ACSS3: variants seen among roughly 807,000 people sequenced by gnomAD.
ACSS3 encodes the protein acyl-CoA synthetase short-chain family member 3, mitochondrial.
A neutral mutation model predicts 84.2 loss-of-function variants in ACSS3; 64 were observed. The observed-to-expected ratio is 0.76, with a 90% CI of 0.62 to 0.94. The LOEUF is 0.94. ACSS3 is among the 40% of genes least tolerant of loss of function. The pLI, the probability that ACSS3 is intolerant of heterozygous loss-of-function variation, is 0.00. For synonymous variants in ACSS3, 317 were observed against 310.1 expected, an observed-to-expected ratio of 1.02 and a Z score of -0.23; for missense variants, 815 against 867.6, an observed-to-expected ratio of 0.94 and a Z score of 0.76.
At chr12:81,173,132 A>G (rs955621245) in intron 7 of ACSS3, among the ~76,000 whole-genome samples, 12 of 152,248 alleles carry the variant, frequency 7.9e-5, no homozygotes, top group African/African-American at 2.9e-4. Flanking sequence ...TCAGTGCCTG[A>G]GACATATCAA....
chr12:81,095,828 T>C (rs998777158), intron 1 of ACSS3, among the ~76,000 whole-genome samples: 1 of 152,232 alleles, frequency 6.6e-6, no homozygotes, highest in African/African-American at 2.4e-5. Flanking sequence ...ATTCTGAGTA[T>C]ACATACTCAT....
chr12:81,103,847 G>C (rs1342386615), intron 1 of ACSS3, among the ~76,000 whole-genome samples: 1 of 152,158 alleles, frequency 6.6e-6, no homozygotes, highest in Admixed American at 6.6e-5. Flanking sequence ...TTGTATGTTT[G>C]AGGGTTTGGT....
chr12:81,193,824 A>T (rs985033378), intron 8 of ACSS3, among the ~76,000 whole-genome samples: 1 of 152,066 alleles, frequency 6.6e-6, no homozygotes, highest in Non-Finnish European at 1.5e-5. Flanking sequence ...TAAATTTTAA[A>T]TGGCCACATG....
At chr12:81,239,746 T>G (rs568524237) in intron 13 of ACSS3, among the ~76,000 whole-genome samples, 3 of 152,078 alleles carry the variant, frequency 2.0e-5, no homozygotes, top group African/African-American at 7.2e-5. Context: ...AAGCCACAAT[T>G]CAAGATGAGA....
chr12:81,242,490 C>A (rs937920402), intron 13 of ACSS3, among the ~76,000 whole-genome samples: 55 of 150,604 alleles, frequency 3.7e-4, no homozygotes, highest in African/African-American at 1.3e-3. Context: ...AAGAGGGAAT[C>A]CTCCCTAACT....
At chr12:81,128,845 T>C (rs1007529420) in intron 2 of ACSS3, among the ~76,000 whole-genome samples, 9 of 152,204 alleles carry the variant, frequency 5.9e-5, no homozygotes, top group African/African-American at 2.2e-4. Context: ...GAAATAGCAG[T>C]ATCAAATGCC....
chr12:81,224,762 T>C (rs2033217260), intron 11 of ACSS3, among the ~76,000 whole-genome samples: 1 of 151,956 alleles, frequency 6.6e-6, no homozygotes, highest in Non-Finnish European at 1.5e-5. Flanking sequence ...ATTCTTGTAC[T>C]GTCCTGCTTA....
At chr12:81,222,375 C>A (rs117693438) in intron 11 of ACSS3, among the ~76,000 whole-genome samples, 2,160 of 152,100 alleles carry the variant, frequency 0.014, 34 homozygotes, top group Non-Finnish European at 0.024. Context: ...CTCTCTCCTG[C>A]TCTCTCTTTA....
intron 1 of ACSS3, among the ~76,000 whole-genome samples, chr12:81,088,022 C>G (rs1299421409): frequency 6.6e-6 from 1 of 152,068 alleles, no homozygotes; most frequent in Non-Finnish European, 1.5e-5. Flanking sequence ...CTCGTCTGTT[C>G]TCTTCTGCTA....
intron 12 of ACSS3, among the ~76,000 whole-genome samples, chr12:81,231,838 A>G (rs1455660043): frequency 2.0e-5 from 3 of 151,726 alleles, no homozygotes; most frequent in African/African-American, 4.8e-5. Flanking sequence ...TGCTCACATT[A>G]TCTTTCTGTT....
chr12:81,245,888 T>C (rs1383394336), intron 13 of ACSS3, among the ~76,000 whole-genome samples: 2 of 152,114 alleles, frequency 1.3e-5, no homozygotes, highest in African/African-American at 2.4e-5. Flanking sequence ...CAGAGGTCCC[T>C]TTTCCCTCTT....
rs146304622 is a variant in ACSS3, at chr12:81,109,604, G to A, written c.356G>A (p.Arg119His). 64 of 1,611,978 alleles carry A rather than the reference G, an allele frequency of 4.0e-5. No individual in the cohort carries two copies. In the African/African-American group the frequency reaches 4.3e-4, roughly 11 times the overall value. Reference protein sequence around the residue: ...MLNICYNAVDRHIENGKGDKI... With the variant: ...MLNICYNAVDHHIENGKGDKI... ...AACATTTGTTACAATGCCGTTGATCGTCATATTGAAAATGGTAAAGGGGAT... is the reference window on the plus strand; with the variant it reads ...AACATTTGTTACAATGCCGTTGATCATCATATTGAAAATGGTAAAGGGGAT... The change falls in exon 2 of 16, where the codon CGT (arginine) becomes CAT (histidine). Residue 119 changes from arginine (R) to histidine (H), a missense_variant. Transcript: ENST00000548058.
chr12:81,194,264 A>G (rs1339488235), intron 8 of ACSS3, among the ~76,000 whole-genome samples: 1 of 151,804 alleles, frequency 6.6e-6, no homozygotes, highest in East Asian at 1.9e-4. Flanking sequence ...TTGATTAAAT[A>G]TTTATGATAT....
At chr12:81,132,921 G>T (rs1780808636) in intron 2 of ACSS3, among the ~76,000 whole-genome samples, 1 of 152,070 alleles carries the variant, frequency 6.6e-6, no homozygotes, top group East Asian at 1.9e-4. Flanking sequence ...TGCAGGGGTT[G>T]CACACTGAGA....
At chr12:81,147,481 G>A (rs1391139186) in intron 5 of ACSS3, among the ~76,000 whole-genome samples, 1 of 152,208 alleles carries the variant, frequency 6.6e-6, no homozygotes, top group Non-Finnish European at 1.5e-5. Context: ...ACAGCACTAG[G>A]TGGGGATATC....
At chr12:81,136,162 T>C (rs1885789412) in intron 3 of ACSS3, among the ~76,000 whole-genome samples, 2 of 152,142 alleles carry the variant, frequency 1.3e-5, no homozygotes, top group African/African-American at 2.4e-5. Flanking sequence ...TTGTGAAATA[T>C]CATTGAGCTA....
chr12:81,082,787 G>A (rs993226140), intron 1 of ACSS3, among the ~76,000 whole-genome samples: 9 of 152,060 alleles, frequency 5.9e-5, no homozygotes, highest in Admixed American at 1.3e-4. Flanking sequence ...TAGCTTTGCC[G>A]CTTACTCTGA....
chr12:81,131,165 G>A (rs1371775328), intron 2 of ACSS3, among the ~76,000 whole-genome samples: 1 of 152,058 alleles, frequency 6.6e-6, no homozygotes, highest in Non-Finnish European at 1.5e-5. Context: ...TCTGTGAAGA[G>A]AGTCATTGGT....
intron 11 of ACSS3, among the ~76,000 whole-genome samples, chr12:81,230,600 AGTTTTTACACTGG>A (rs534447257): frequency 9.6e-4 from 146 of 151,964 alleles, no homozygotes; most frequent in African/African-American, 3.5e-3. Context: ...TTATGAAATA[AGTTTTTACACTGG>A]GTGCTTAATT....
Sources: gnomAD v4.1 joint callset for allele counts (sites outside exome capture counted in the v4.1 genomes callset) on GRCh38, gnomAD v4.1.1 for gene constraint, MANE v1.5 for transcripts, NCBI Gene and HGNC (gene_info 2026-07-23, HGNC 2026-07-21) for gene names.